The following ATP8B3 variants were observed in gnomAD, a reference collection of about 807,000 sequenced individuals.
ATP8B3 encodes the protein phospholipid-transporting ATPase IK.
In ATP8B3, 141 loss-of-function variants were observed where a neutral mutation model predicts 140.9. The observed-to-expected ratio is 1.00, with a 90% confidence interval of 0.87 to 1.15. ATP8B3 has a LOEUF of 1.15. ATP8B3 is among the 50% of genes most tolerant of loss of function. The pLI is 0.00. For missense variants in ATP8B3, 1,874 were observed against 1,740.6 expected, an observed-to-expected ratio of 1.08 and a Z score of -1.36; for synonymous variants, 765 against 714.6, an observed-to-expected ratio of 1.07 and a Z score of -1.13.
chr19:1,787,546 C>G (rs185228350), intron 24 of ATP8B3, among the ~76,000 whole-genome samples: 1 of 151,484 alleles, frequency 6.6e-6, no homozygotes, highest in African/African-American at 2.4e-5. Flanking sequence ...CTGGCCAACA[C>G]GGTGAAACCC....
intron 23 of ATP8B3, 78 bp downstream of exon 23, chr19:1,789,283 C>A (rs1432502275): frequency 7.0e-6 from 8 of 1,144,622 alleles, no homozygotes; most frequent in Non-Finnish European, 9.5e-6. Context: ...TGCCCCAGGT[C>A]CCCCCAGTCC....
chr19:1,809,808 G>T, intron 3 of ATP8B3, 74 bp from the exon 4 acceptor site: 1 of 1,370,910 alleles, frequency 7.3e-7, no homozygotes, highest in Non-Finnish European at 1.0e-6. Context: ...CCCGGAGGAG[G>T]GCTCATGGGG....
chr19:1,799,682 T>C, intron 14 of ATP8B3: 1 of 566,262 alleles, frequency 1.8e-6, no homozygotes, highest in Non-Finnish European at 3.1e-6. Context: ...GAGAATCGCT[T>C]GAACCTGGGA....
chr19:1,797,141 G>A (rs1007592159), intron 14 of ATP8B3, 136 bp from the exon 15 acceptor site: 58 of 1,357,806 alleles, frequency 4.3e-5, no homozygotes, highest in African/African-American at 2.9e-4. Flanking sequence ...CCCTGGAACC[G>A]ACACCCCGAG....
Position 1,811,603 on chromosome 19 carries a change from C to T in ATP8B3, c.134G>A (p.Gly45Glu). The change falls in exon 2 of 29, where the codon GGA becomes GAA. Residue 45 changes from glycine to glutamate, a missense_variant. Physicochemically the swap from Gly to Glu is moderately conservative, Grantham distance 98. Around this residue, in one of 3 missense-constraint regions of ATP8B3, gnomAD observed 1,032 missense variants for 963.6 expected, o/e 1.07. Coordinates refer to ENST00000310127, the MANE Select transcript of ATP8B3 (RefSeq NM_138813.4). The part of the protein sequence containing the change: ...QEGSGPAGIR[G>E]GETVIRAGMG... ...CCCAGCTCTGATCACCGTCTCACCTCCGCGGATGCCAGCAGGACCTGAGCC... is the reference window on the plus strand; with the variant it reads ...CCCAGCTCTGATCACCGTCTCACCTTCGCGGATGCCAGCAGGACCTGAGCC... The T allele has an allele frequency of 6.2e-7, 1 of 1,612,330 alleles. No individual in the cohort carries two copies. Among genetic ancestry groups the T allele is most frequent in the Non-Finnish European group, 8.5e-7 (1 of 1,179,792 alleles).
At chr19:1,785,804 C>G in intron 25 of ATP8B3, 96 bp from the exon 26 acceptor site, 3 of 1,340,030 alleles carry the variant, frequency 2.2e-6, no homozygotes, top group Non-Finnish European at 2.0e-6. Flanking sequence ...GGTGGCCACT[C>G]TCTGTGTGTG....
chr19:1,801,645 G>A (rs979319365), intron 12 of ATP8B3, among the ~76,000 whole-genome samples: 152 of 152,150 alleles, frequency 1.0e-3, no homozygotes, highest in African/African-American at 2.6e-3. Flanking sequence ...CCAGCTACTC[G>A]AGGGGCTGAG....
intron 25 of ATP8B3, among the ~76,000 whole-genome samples, 195 bp from the exon 26 acceptor site, chr19:1,785,903 G>A (rs2068291187): frequency 6.6e-6 from 1 of 152,106 alleles, no homozygotes; most frequent in Non-Finnish European, 1.5e-5. Flanking sequence ...GGTCAAGGTG[G>A]GAGGATCGCT....
chr19:1,782,780 G>A lies in ATP8B3; in HGVS notation c.*248C>T, dbSNP rs1327698123. On this transcript the variant is annotated 3_prime_UTR_variant, in exon 29 of 29. Coordinates refer to ENST00000310127, the MANE Select transcript of ATP8B3 (RefSeq NM_138813.4). Reference sequence around the variant, plus strand: ...CAACAGCAACTTCTCAGGAGAAGGTGGCCTCTGCTTGGGTGACAATGACCT... The same window carrying A: ...CAACAGCAACTTCTCAGGAGAAGGTAGCCTCTGCTTGGGTGACAATGACCT... 4 of 523,192 alleles carry A rather than the reference G, an allele frequency of 7.6e-6. No individual in the cohort carries two copies. The highest frequency in any genetic ancestry group is 1.4e-5 in the Non-Finnish European group (4 of 291,426). 32.4% of individuals were successfully genotyped at this position (523,192 alleles called of 1,614,324 possible).
chr19:1,799,859 T>C, intron 14 of ATP8B3, 88 bp downstream of exon 14: 1 of 1,315,494 alleles, frequency 7.6e-7, no homozygotes, highest in East Asian at 2.5e-5. Context: ...GTGCTGGGCA[T>C]GGGGCCAGAC....
At position 1,787,028 on chromosome 19, in the gene ATP8B3, C is replaced by T. The variant is rs924083213; in HGVS notation, c.3153+75G>A. The T allele has an allele frequency of 4.0e-5, 56 of 1,406,586 alleles. No homozygotes were observed. The Admixed American group carries it at 8.7e-4, about 22-fold the overall frequency. The allele number at this position is 1,406,586 out of a possible 1,614,324, so 87.1% of individuals were successfully genotyped here. ...GAAGGTCTCCCAGGCTCCCTCTCCC[C>T]GCCCCAAGGAGCGGAGGAGAGGAGG... is the stretch of plus-strand genomic sequence containing the variant. On this transcript the variant is annotated intron_variant, in intron 25 of 28. Coordinates refer to ENST00000310127, the MANE Select transcript of ATP8B3 (RefSeq NM_138813.4).
intron 28 of ATP8B3, 52 bp downstream of exon 28, chr19:1,784,767 C>T (rs567922973): frequency 1.3e-6 from 2 of 1,534,826 alleles, no homozygotes; most frequent in African/African-American, 1.4e-5. Context: ...GGCTCCCCAA[C>T]CAGGGTCCTG....
chr19:1,787,003 G>A (rs778284503), intron 25 of ATP8B3, 100 bp downstream of exon 25: 3 of 1,180,138 alleles, frequency 2.5e-6, no homozygotes, highest in African/African-American at 3.1e-5. Context: ...CCCATGGCCT[G>A]AAGGTCTCCC....
In ATP8B3 at chr19:1,805,522, C is replaced by G; in HGVS notation, c.822-66G>C. 1 of 1,328,994 alleles carries G rather than the reference C, an allele frequency of 7.5e-7. No individual in the cohort carries two copies. The highest frequency in any genetic ancestry group is 1.1e-6 in the Non-Finnish European group (1 of 945,750). 82.3% of individuals were successfully genotyped at this position (1,328,994 alleles called of 1,614,324 possible). A position where few individuals can be genotyped will look rare whatever the true frequency, so the allele number is the denominator to read the frequency against. ...GGATGCTTCGAGGAGCCCCCAGACC[C>G]CTTCTGGAGTCACTCAAACATTTTC... On this transcript the variant is annotated intron_variant, in intron 9 of 28. Coordinates refer to ENST00000310127, the MANE Select transcript of ATP8B3 (RefSeq NM_138813.4). This position sits in a 1 kb window ranked among gnomAD's most constrained non-coding sequence, Gnocchi z 5.2.
Position 1,800,456 on chromosome 19 carries a change from G to A in ATP8B3, c.1153-7C>T. On this transcript the variant is annotated splice_region_variant and splice_polypyrimidine_tract_variant and intron_variant, in intron 12 of 28. Coordinates refer to ENST00000310127, the MANE Select transcript of ATP8B3 (RefSeq NM_138813.4). The surrounding 1 kb of genome is among the most constrained non-coding windows in gnomAD (Gnocchi z 4.4). Reference sequence around the variant, plus strand: ...GCACCACGGAGATGAAGATCTGGAAGGCAGACGCGACAGGGTGGGTGAGGG... The same window carrying A: ...GCACCACGGAGATGAAGATCTGGAAAGCAGACGCGACAGGGTGGGTGAGGG... 1 of 1,610,782 alleles carries A rather than the reference G, an allele frequency of 6.2e-7. No individual in the cohort carries two copies. Among genetic ancestry groups the A allele is most frequent in the African/African-American group, 1.3e-5 (1 of 74,938 alleles).
At chr19:1,802,682 C>T in intron 10 of ATP8B3, 37 bp from the exon 11 acceptor site, 2 of 1,587,236 alleles carry the variant, frequency 1.3e-6, no homozygotes, top group South Asian at 2.3e-5. Flanking sequence ...TCAGTGGGCT[C>T]AGGCCCTCCT....
Position 1,808,236 on chromosome 19 carries a change from T to C in ATP8B3, c.502A>G (p.Ile168Val). 1.2e-6 allele frequency: 2 copies of C among 1,611,216 alleles called. No individual in the cohort carries two copies. The highest frequency in any genetic ancestry group is 1.1e-5 in the South Asian group (1 of 90,910). ...ACACGCCTCACCTGCAGGATGATGA[T>C]GATGAGGAAGAACAGGTTGGACACG... ...HRVSNLFFLI[I>V]IILQSIPDIS... is the part of the protein sequence containing the mutation. The change falls in exon 5 of 29, where the codon ATC becomes GTC. Residue 168 changes from isoleucine to valine, a missense_variant. This residue lies in a region of ATP8B3 where 1,032 missense variants were observed against 963.6 expected (regional missense o/e 1.07). Transcript: ENST00000310127.
At position 1,800,018 on chromosome 19, in the gene ATP8B3, G is replaced by A. The variant is rs200407363; in HGVS notation, c.1481C>T (p.Ser494Leu). The A allele has an allele frequency of 7.1e-5, 114 of 1,606,164 alleles. No homozygotes were observed. The highest frequency in any genetic ancestry group is 3.7e-4 in the Admixed American group (22 of 59,120). The part of the protein sequence containing the change: ...DHLGQVEYIF[S>L]DKTGTLTQNI... ...CTGCGTGAGCGTGCCCGTCTTGTCC[G>A]AGAAGATGTATTCCACCTGGCCCAG... Residue 494 changes from serine (S) to leucine (L), a missense_variant, in exon 14 of 29, where the codon TCG (serine) becomes TTG (leucine). Coordinates refer to ENST00000310127, the MANE Select transcript of ATP8B3 (RefSeq NM_138813.4). This position sits in a 1 kb window ranked among gnomAD's most constrained non-coding sequence, Gnocchi z 4.4.
At chr19:1,808,789 G>A (rs996502449) in intron 4 of ATP8B3, among the ~76,000 whole-genome samples, 2 of 152,246 alleles carry the variant, frequency 1.3e-5, no homozygotes, top group Non-Finnish European at 2.9e-5. Context: ...TGACCCTCAC[G>A]TGCACTGGGA....
Sources: allele counts gnomAD v4.1 joint callset (sites outside exome capture counted in the v4.1 genomes callset), GRCh38; gene constraint gnomAD v4.1.1; regional missense constraint gnomAD v4.1.1; non-coding constraint Gnocchi (gnomAD v3.1); transcripts MANE v1.5; gene names NCBI Gene and HGNC (gene_info 2026-07-23, HGNC 2026-07-21).